The following TACR1 variants were observed in gnomAD, a reference collection of about 807,000 sequenced individuals.
TACR1 encodes the protein substance-P receptor.
Under a neutral mutation model 35.8 loss-of-function variants are expected in TACR1, and 25 were observed. The ratio of observed to expected loss-of-function variants is 0.70; its 90% confidence interval spans 0.51 to 0.98. The LOEUF is 0.98. TACR1 is among the 50% of genes least tolerant of loss of function. The pLI, the probability that TACR1 is intolerant of heterozygous loss-of-function variation, is 0.00. For synonymous variants in TACR1, 195 were observed against 206.7 expected (o/e 0.94, Z 0.48); for missense variants, 478 against 522.9 (o/e 0.91, Z 0.84).
At chr2:75,102,313 T>C (rs1203345789) in intron 2 of TACR1, among the ~76,000 whole-genome samples, 1 of 152,186 alleles carries the variant, frequency 6.6e-6, no homozygotes, top group Non-Finnish European at 1.5e-5. Flanking sequence ...CAGCCAGCAA[T>C]CCACAAAATC....
At chr2:75,082,450 T>C (rs2103835612) in intron 2 of TACR1, among the ~76,000 whole-genome samples, 1 of 152,342 alleles carries the variant, frequency 6.6e-6, no homozygotes, top group African/African-American at 2.4e-5. Flanking sequence ...AGTAATGGGA[T>C]GGCTGGGTCA....
At chr2:75,078,783 CCT>C (rs139707487) in intron 2 of TACR1, among the ~76,000 whole-genome samples, 29,578 of 152,048 alleles carry the variant, frequency 0.19, 3,371 homozygotes, top group Admixed American at 0.32. Flanking sequence ...TTTATTTATT[CCT>C]TTTCTGATAA....
chr2:75,066,198 CT>C (rs949281521), intron 2 of TACR1, among the ~76,000 whole-genome samples: 2 of 152,158 alleles, frequency 1.3e-5, no homozygotes, highest in African/African-American at 4.8e-5. Flanking sequence ...CTCATTACCT[CT>C]GGGACTTTGG....
chr2:75,143,688 G>A (rs1233568756), intron 1 of TACR1, among the ~76,000 whole-genome samples: 2 of 152,200 alleles, frequency 1.3e-5, no homozygotes, highest in Non-Finnish European at 2.9e-5. Flanking sequence ...GTGATATTAG[G>A]TTGGTGCAAA....
At chr2:75,187,744 G>A (rs1675742239) in intron 1 of TACR1, 1 of 152,206 alleles carries the variant, frequency 6.6e-6, no homozygotes, top group Non-Finnish European at 1.5e-5. Context: ...AAGCAGGATT[G>A]GGGAGTGCCT....
intron 1 of TACR1, among the ~76,000 whole-genome samples, chr2:75,162,297 A>T (rs1183118267): frequency 6.6e-6 from 1 of 152,200 alleles, no homozygotes; most frequent in Admixed American, 6.5e-5. Flanking sequence ...AAAGTATTGC[A>T]TGCTTTCATT....
At chr2:75,181,321 AC>A (rs1675553268) in intron 1 of TACR1, among the ~76,000 whole-genome samples, 1 of 152,162 alleles carries the variant, frequency 6.6e-6, no homozygotes, top group African/African-American at 2.4e-5. Context: ...TCCTTTAAAA[AC>A]ATCTAGAAAA....
At chr2:75,146,664 C>G (rs1418213706) in intron 1 of TACR1, among the ~76,000 whole-genome samples, 1 of 152,212 alleles carries the variant, frequency 6.6e-6, no homozygotes, top group East Asian at 1.9e-4. Flanking sequence ...GGAGCCAGCA[C>G]ATGTGGAATC....
At chr2:75,140,848 G>A (rs951353516) in intron 1 of TACR1, among the ~76,000 whole-genome samples, 1 of 152,106 alleles carries the variant, frequency 6.6e-6, no homozygotes, top group East Asian at 1.9e-4. Flanking sequence ...CCCTCCAATG[G>A]TCTGAATAAA....
At chr2:75,168,871 C>G (rs2422148) in intron 1 of TACR1, among the ~76,000 whole-genome samples, 115,588 of 152,070 alleles carry the variant, frequency 0.76, 44,462 homozygotes, top group African/African-American at 0.86. Context: ...GATTATTTCT[C>G]GGTGTTGTAA....
intron 1 of TACR1, among the ~76,000 whole-genome samples, chr2:75,164,770 C>A (rs1675100426): frequency 6.6e-6 from 1 of 152,194 alleles, no homozygotes; most frequent in Non-Finnish European, 1.5e-5. Flanking sequence ...CATTTGGGCT[C>A]CTGTCTCACC....
intron 1 of TACR1, among the ~76,000 whole-genome samples, chr2:75,129,872 G>A (rs1441687736): frequency 2.0e-5 from 3 of 152,122 alleles, no homozygotes; most frequent in African/African-American, 7.2e-5. Flanking sequence ...AGAGGCACTT[G>A]GGGCCAAAGG....
intron 1 of TACR1, among the ~76,000 whole-genome samples, chr2:75,155,834 G>A (rs1475617324): frequency 1.3e-5 from 2 of 152,198 alleles, no homozygotes; most frequent in African/African-American, 2.4e-5. Context: ...CATCAAAAAG[G>A]AATCAAGATG....
At chr2:75,124,072 G>A (rs185412441) in intron 1 of TACR1, among the ~76,000 whole-genome samples, 3 of 152,184 alleles carry the variant, frequency 2.0e-5, no homozygotes, top group Admixed American at 6.5e-5. Context: ...GGCTGCCAGC[G>A]ACAGGGATCT....
At chr2:75,182,237 C>T (rs1675576331) in intron 1 of TACR1, among the ~76,000 whole-genome samples, 1 of 152,202 alleles carries the variant, frequency 6.6e-6, no homozygotes, top group Non-Finnish European at 1.5e-5. Context: ...AGACGCTCAA[C>T]CTAGGGACTT....
At chr2:75,098,552 C>T (rs1333623817) in intron 2 of TACR1, among the ~76,000 whole-genome samples, 1 of 152,132 alleles carries the variant, frequency 6.6e-6, no homozygotes, top group Non-Finnish European at 1.5e-5. Context: ...ATAGCTGCCT[C>T]AATATTGGCC....
intron 1 of TACR1, among the ~76,000 whole-genome samples, chr2:75,123,240 T>A (rs1028606204): frequency 2.0e-5 from 3 of 152,210 alleles, no homozygotes; most frequent in Non-Finnish European, 4.4e-5. Context: ...TTCTCAGGCT[T>A]CACAGGAACT....
chr2:75,054,891 G>A (rs1432236019), intron 2 of TACR1, among the ~76,000 whole-genome samples: 2 of 152,096 alleles, frequency 1.3e-5, no homozygotes, highest in South Asian at 4.1e-4. Flanking sequence ...ACAAAGCCAA[G>A]CATTTTACTA....
chr2:75,152,833 A>G (rs1254128617), intron 1 of TACR1, among the ~76,000 whole-genome samples: 2 of 152,114 alleles, frequency 1.3e-5, no homozygotes, highest in African/African-American at 4.8e-5. Context: ...ACCTCACTCT[A>G]CCATTTCTAG....
Sources: gnomAD v4.1 joint callset for allele counts (sites outside exome capture counted in the v4.1 genomes callset) on GRCh38, gnomAD v4.1.1 for gene constraint, MANE v1.5 for transcripts, NCBI Gene and HGNC (gene_info 2026-07-23, HGNC 2026-07-21) for gene names.